The following CSNK2A2IP variants were observed in gnomAD, a reference collection of about 807,000 sequenced individuals.
CSNK2A2IP encodes the protein casein kinase 2 subunit alpha' interacting protein.
the CSNK2A2IP span, among the ~76,000 whole-genome samples, chr3:88,401,999 T>C: frequency 5.9e-5 from 9 of 151,706 alleles, no homozygotes; most frequent in Admixed American, 2.0e-4. Flanking sequence ...TTCCTTGCTT[T>C]TGAAAGAGGG....
At chr3:88,451,568 C>G in the CSNK2A2IP span, among the ~76,000 whole-genome samples, 7 of 151,874 alleles carry the variant, frequency 4.6e-5, no homozygotes, top group Non-Finnish European at 8.8e-5. Flanking sequence ...CCTAATGTTC[C>G]TTAAAAATGT....
At chr3:88,361,662 C>A in the CSNK2A2IP span, among the ~76,000 whole-genome samples, 62,539 of 151,890 alleles carry the variant, frequency 0.41, 14,804 homozygotes, top group South Asian at 0.6. Context: ...TTATATTTTT[C>A]TCTAGGTTTG....
chr3:88,380,162 G>T, the CSNK2A2IP span, among the ~76,000 whole-genome samples: 7 of 151,914 alleles, frequency 4.6e-5, no homozygotes, highest in South Asian at 2.1e-4. Flanking sequence ...ATTGGGAAAA[G>T]AATTAATAGA....
At chr3:88,412,945 T>A in the CSNK2A2IP span, among the ~76,000 whole-genome samples, 1 of 152,026 alleles carries the variant, frequency 6.6e-6, no homozygotes, top group Non-Finnish European at 1.5e-5. Flanking sequence ...ATATATGAAT[T>A]GTCATTTTTC....
At chr3:88,416,407 C>T in the CSNK2A2IP span, among the ~76,000 whole-genome samples, 3 of 152,070 alleles carry the variant, frequency 2.0e-5, no homozygotes, top group Admixed American at 2.0e-4. Flanking sequence ...TTTACAGAGT[C>T]AAGATGTTCC....
chr3:88,405,335 G>A, the CSNK2A2IP span, among the ~76,000 whole-genome samples: 1 of 152,108 alleles, frequency 6.6e-6, no homozygotes, highest in Admixed American at 6.6e-5. Context: ...CAGGGAGACT[G>A]ATCTGTGTAT....
At chr3:88,455,769 A>G in the CSNK2A2IP span, among the ~76,000 whole-genome samples, 2 of 152,112 alleles carry the variant, frequency 1.3e-5, no homozygotes, top group Middle Eastern at 3.4e-3. Flanking sequence ...TAAAAAAATC[A>G]TTACTAAAAC....
At chr3:88,387,757 G>C in the CSNK2A2IP span, among the ~76,000 whole-genome samples, 1 of 152,008 alleles carries the variant, frequency 6.6e-6, no homozygotes, top group Non-Finnish European at 1.5e-5. Context: ...ATAGAATCTT[G>C]CTCTTTTGCC....
chr3:88,371,568 C>T, the CSNK2A2IP span, among the ~76,000 whole-genome samples: 2 of 151,566 alleles, frequency 1.3e-5, no homozygotes, highest in African/African-American at 4.8e-5. Flanking sequence ...GAAAAAGTAT[C>T]ATCTGGTTCA....
At chr3:88,445,274 C>CCAAAAAAAA in the CSNK2A2IP span, among the ~76,000 whole-genome samples, 1 of 9,044 alleles carries the variant, frequency 1.1e-4, no homozygotes. Flanking sequence ...AGTAAAAATA[C>CCAAAAAAAA]CAAAAAAAAA....
chr3:88,366,337 CTTG>C, the CSNK2A2IP span, among the ~76,000 whole-genome samples: 5 of 152,102 alleles, frequency 3.3e-5, no homozygotes, highest in Non-Finnish European at 7.4e-5. Context: ...ATATGGGTAT[CTTG>C]TTGTCATCAT....
chr3:88,427,120 T>C, the CSNK2A2IP span, among the ~76,000 whole-genome samples: 2 of 152,154 alleles, frequency 1.3e-5, no homozygotes, highest in African/African-American at 2.4e-5. Context: ...AAAATGCTGA[T>C]AGTGATATGG....
chr3:88,356,722 G>GA, the CSNK2A2IP span, among the ~76,000 whole-genome samples: 1 of 152,050 alleles, frequency 6.6e-6, no homozygotes. Flanking sequence ...AACAGTGTAG[G>GA]AGTGTTCCCC....
At chr3:88,398,358 A>T in the CSNK2A2IP span, among the ~76,000 whole-genome samples, 1 of 152,140 alleles carries the variant, frequency 6.6e-6, no homozygotes, top group Non-Finnish European at 1.5e-5. Flanking sequence ...AACAAGAAAG[A>T]AAAATATACT....
chr3:88,371,581 A>G, the CSNK2A2IP span, among the ~76,000 whole-genome samples: 6 of 151,714 alleles, frequency 4.0e-5, no homozygotes, highest in Admixed American at 4.0e-4. Context: ...CTGGTTCAAC[A>G]CATGCGTAAT....
the CSNK2A2IP span, among the ~76,000 whole-genome samples, chr3:88,450,106 T>A: frequency 6.6e-6 from 1 of 151,626 alleles, no homozygotes; most frequent in Non-Finnish European, 1.5e-5. Context: ...TGACCTCAAG[T>A]GATCCTCCCG....
chr3:88,374,603 A>C, the CSNK2A2IP span, among the ~76,000 whole-genome samples: 1 of 151,696 alleles, frequency 6.6e-6, no homozygotes, highest in African/African-American at 2.4e-5. Context: ...TAAAAACAGC[A>C]TATCAAAACG....
the CSNK2A2IP span, among the ~76,000 whole-genome samples, chr3:88,373,737 T>A: frequency 6.6e-6 from 1 of 151,068 alleles, no homozygotes; most frequent in Non-Finnish European, 1.5e-5. Flanking sequence ...TAAAAAAACT[T>A]GATAACTTGA....
the CSNK2A2IP span, among the ~76,000 whole-genome samples, chr3:88,422,441 C>T: frequency 2.0e-5 from 3 of 152,094 alleles, no homozygotes; most frequent in Admixed American, 1.3e-4. Flanking sequence ...AAGTGATTTG[C>T]TCTTTGAGCT....
Sources: gnomAD v4.1 joint callset for allele counts (sites outside exome capture counted in the v4.1 genomes callset) on GRCh38, gnomAD v4.1.1 for gene constraint, MANE v1.5 for transcripts, NCBI Gene and HGNC (gene_info 2026-07-23, HGNC 2026-07-21) for gene names.